Variants in PCDHA10 observed in about 807,000 individuals in gnomAD.
The protein encoded by PCDHA10 is protocadherin alpha 10.
A neutral mutation model predicts 61.2 loss-of-function variants in PCDHA10; 45 were observed. That is an observed-to-expected ratio of 0.74 (90% CI 0.58 to 0.94). The LOEUF is 0.94. Among genes scored for constraint, PCDHA10 ranks in the 40% least tolerant of loss-of-function variants. The pLI, the probability that PCDHA10 is intolerant of heterozygous loss-of-function variation, is 0.00. For missense variants in PCDHA10, 1,278 were observed against 1,236.2 expected (o/e 1.03, Z -0.51); for synonymous variants, 602 against 548.8 (o/e 1.10, Z -1.35).
intron 1 of PCDHA10, among the ~76,000 whole-genome samples, chr5:140,941,221 TTC>T (rs1217645089): frequency 7.6e-6 from 1 of 131,640 alleles, no homozygotes; most frequent in African/African-American, 3.0e-5. Flanking sequence ...CTTCCTTTCT[TTC>T]TTTCTTTCTT....
chr5:140,921,706 T>C (rs2080341352), intron 1 of PCDHA10, among the ~76,000 whole-genome samples: 1 of 152,148 alleles, frequency 6.6e-6, no homozygotes, highest in Non-Finnish European at 1.5e-5. Flanking sequence ...TTTTAAACAG[T>C]AAACACACGA....
intron 1 of PCDHA10, chr5:140,860,013 G>T (rs1218796590): frequency 6.6e-6 from 1 of 151,942 alleles, no homozygotes; most frequent in African/African-American, 2.4e-5. Flanking sequence ...TTAAGGCCAG[G>T]CATGGTGGCT....
intron 1 of PCDHA10, chr5:140,870,883 C>G: frequency 6.2e-7 from 1 of 1,613,920 alleles, no homozygotes; most frequent in South Asian, 1.1e-5. Flanking sequence ...GGCGAAGGTG[C>G]GCGCAGTGGA....
intron 1 of PCDHA10, among the ~76,000 whole-genome samples, chr5:140,903,696 A>G (rs2153481433): frequency 6.6e-6 from 1 of 152,370 alleles, no homozygotes; most frequent in East Asian, 1.9e-4. Context: ...ATAGTTTAAA[A>G]TAGTAATAAA....
intron 1 of PCDHA10, chr5:140,870,601 G>A (rs1554164453): frequency 1.2e-6 from 2 of 1,613,228 alleles, no homozygotes; most frequent in Admixed American, 1.7e-5. Context: ...GCGGTTGGGC[G>A]ACCGCGCGCT....
chr5:140,921,102 T>G (rs1300756897), intron 1 of PCDHA10, among the ~76,000 whole-genome samples: 1 of 152,028 alleles, frequency 6.6e-6, no homozygotes, highest in Non-Finnish European at 1.5e-5. Context: ...TGCCTCAGTC[T>G]CCTAAGTAGC....
intron 1 of PCDHA10, chr5:140,877,179 G>T (rs1554169418): frequency 1.2e-6 from 2 of 1,613,830 alleles, no homozygotes. Flanking sequence ...TGGCGACTCC[G>T]GCTGGCAGCG....
intron 3 of PCDHA10, among the ~76,000 whole-genome samples, chr5:140,986,013 A>C (rs544858025): frequency 6.6e-6 from 1 of 152,298 alleles, no homozygotes; most frequent in Admixed American, 6.5e-5. Flanking sequence ...TGCTGGGATT[A>C]CAGGCGTGAG....
chr5:140,861,445 G>A (rs1196401790), intron 1 of PCDHA10: 1 of 494,332 alleles, frequency 2.0e-6, no homozygotes, highest in Admixed American at 2.1e-5. Context: ...AAAAGCCGCA[G>A]AAACCTTCTG....
At chr5:140,936,662 CT>C (rs1337986057) in intron 1 of PCDHA10, among the ~76,000 whole-genome samples, 1 of 152,178 alleles carries the variant, frequency 6.6e-6, no homozygotes, top group Non-Finnish European at 1.5e-5. Context: ...TATTCTGTTT[CT>C]GGACTGTCTA....
chr5:140,967,049 A>G (rs782123539), intron 1 of PCDHA10: 12 of 1,612,528 alleles, frequency 7.4e-6, no homozygotes, highest in Non-Finnish European at 9.3e-6. Flanking sequence ...GCTGGACCTG[A>G]CGAGTGGAGC....
At chr5:140,875,342 A>C in intron 1 of PCDHA10, 1 of 1,443,152 alleles carries the variant, frequency 6.9e-7, no homozygotes, top group Non-Finnish European at 9.1e-7. Context: ...GATCGACTCC[A>C]TAATGACTGT....
intron 3 of PCDHA10, among the ~76,000 whole-genome samples, chr5:140,999,595 C>T (rs1232390404): frequency 1.3e-5 from 2 of 152,148 alleles, no homozygotes; most frequent in East Asian, 3.9e-4. Flanking sequence ...GCCTTCCCTA[C>T]ATCCTGGGGG....
At chr5:140,875,906 C>T in intron 1 of PCDHA10, 1 of 1,614,204 alleles carries the variant, frequency 6.2e-7, no homozygotes, top group East Asian at 2.2e-5. Flanking sequence ...GTTTCTGAAT[C>T]TGCGCCTCTG....
At chr5:140,923,528 CA>C (rs1240707958) in intron 1 of PCDHA10, among the ~76,000 whole-genome samples, 1 of 151,622 alleles carries the variant, frequency 6.6e-6, no homozygotes, top group Non-Finnish European at 1.5e-5. Context: ...GATTCTGTCC[CA>C]AAAAAAGGAC....
At chr5:140,968,757 A>T in intron 1 of PCDHA10, 1 of 1,614,204 alleles carries the variant, frequency 6.2e-7, no homozygotes, top group Non-Finnish European at 8.5e-7. Context: ...GTGGTCCGAG[A>T]TAATGGAGAG....
intron 1 of PCDHA10, among the ~76,000 whole-genome samples, chr5:140,956,211 TCCTTG>T (rs2095268091): frequency 6.6e-6 from 1 of 152,198 alleles, no homozygotes; most frequent in Non-Finnish European, 1.5e-5. Flanking sequence ...AAAGAGGGCA[TCCTTG>T]TCTTGTGCTG....
chr5:140,961,715 A>G (rs1363525264), intron 1 of PCDHA10, among the ~76,000 whole-genome samples: 2 of 152,160 alleles, frequency 1.3e-5, no homozygotes, highest in Non-Finnish European at 2.9e-5. Flanking sequence ...TTCATTTCTA[A>G]GTGCTCATAA....
chr5:140,863,055 G>T (rs570398935), intron 1 of PCDHA10: 9 of 563,522 alleles, frequency 1.6e-5, no homozygotes, highest in African/African-American at 1.3e-4. Context: ...GGCAGCACCC[G>T]TTCCACGTGG....
Sources: gnomAD v4.1 joint callset for allele counts (sites outside exome capture counted in the v4.1 genomes callset) on GRCh38, gnomAD v4.1.1 for gene constraint, MANE v1.5 for transcripts, NCBI Gene and HGNC (gene_info 2026-07-23, HGNC 2026-07-21) for gene names.